The following CEP63 variants were observed in gnomAD, a reference collection of about 807,000 sequenced individuals.
CEP63 encodes centrosomal protein of 63 kDa.
Under a neutral mutation model 89.1 loss-of-function variants are expected in CEP63, and 84 were observed. The ratio of observed to expected loss-of-function variants is 0.94; its 90% CI spans 0.79 to 1.13. CEP63 has a LOEUF of 1.13. Among genes scored for constraint, CEP63 ranks in the 50% most tolerant of loss-of-function variants. The probability of loss-of-function intolerance (pLI) is 0.00; values close to 1 mark genes in which losing one functional copy is unlikely to be tolerated. For synonymous variants in CEP63, 267 were observed against 272.5 expected, an observed-to-expected ratio of 0.98 and a Z score of 0.20; for missense variants, 838 against 813.3, an observed-to-expected ratio of 1.03 and a Z score of -0.37.
the CEP63 span, among the ~76,000 whole-genome samples, chr3:134,694,975 A>G: frequency 6.6e-6 from 1 of 152,186 alleles, no homozygotes; most frequent in African/African-American, 2.4e-5. Flanking sequence ...AGATGGCTGG[A>G]CAAGACCAGG....
At chr3:134,619,277 G>A in the CEP63 span, 1 of 1,599,766 alleles carries the variant, frequency 6.3e-7, no homozygotes, top group Non-Finnish European at 8.6e-7. Flanking sequence ...TATAGGGCAG[G>A]TGAGGGGATC....
chr3:134,740,592 C>G, the CEP63 span, among the ~76,000 whole-genome samples: 2 of 152,140 alleles, frequency 1.3e-5, no homozygotes, highest in African/African-American at 4.8e-5. Context: ...CCACCGTGCC[C>G]CGCCTCTTTC....
chr3:134,505,097 T>C (rs1368877333), intron 2 of CEP63, among the ~76,000 whole-genome samples: 1 of 152,224 alleles, frequency 6.6e-6, no homozygotes, highest in Non-Finnish European at 1.5e-5. Context: ...AATTCTTTTA[T>C]AGGCATTTCA....
At chr3:134,545,132 T>C (rs1952978137) in intron 6 of CEP63, among the ~76,000 whole-genome samples, 1 of 152,100 alleles carries the variant, frequency 6.6e-6, no homozygotes, top group South Asian at 2.1e-4. Context: ...CCCGAGTAGC[T>C]GGGATTACAG....
At chr3:134,766,601 C>T in the CEP63 span, among the ~76,000 whole-genome samples, 18 of 152,310 alleles carry the variant, frequency 1.2e-4, no homozygotes, top group South Asian at 2.1e-4. Flanking sequence ...GGAGGGCTGA[C>T]AGAAAGAATT....
the CEP63 span, chr3:134,607,177 G>A: frequency 1.0e-6 from 1 of 985,450 alleles, no homozygotes; most frequent in Non-Finnish European, 1.2e-6. Flanking sequence ...AACAAGCCCT[G>A]CATCTGTTGT....
chr3:134,539,793 T>A (rs2109335552), intron 6 of CEP63, among the ~76,000 whole-genome samples: 1 of 152,356 alleles, frequency 6.6e-6, no homozygotes, highest in East Asian at 1.9e-4. Flanking sequence ...TTGCTTGAAT[T>A]CATTTCTTTT....
chr3:134,489,122 C>T (rs564693085), intron 1 of CEP63, among the ~76,000 whole-genome samples: 18 of 148,342 alleles, frequency 1.2e-4, no homozygotes, highest in African/African-American at 4.3e-4. Flanking sequence ...GATCACGCCA[C>T]TGCACTCCAG....
the CEP63 span, among the ~76,000 whole-genome samples, chr3:134,707,739 CTTT>C: frequency 7.5e-5 from 9 of 120,450 alleles, no homozygotes; most frequent in South Asian, 7.9e-4. Context: ...TGATTCTTTT[CTTT>C]TTTTTTTTTT....
intron 3 of CEP63, among the ~76,000 whole-genome samples, chr3:134,511,817 A>T (rs574103217): frequency 6.6e-6 from 1 of 152,126 alleles, no homozygotes; most frequent in South Asian, 2.1e-4. Context: ...TGAGCCAGTC[A>T]CCTCCCACCA....
chr3:134,605,315 G>A, the CEP63 span, among the ~76,000 whole-genome samples: 1 of 152,130 alleles, frequency 6.6e-6, no homozygotes, highest in Non-Finnish European at 1.5e-5. Flanking sequence ...TCAGAAGCTG[G>A]TCATCTGCTC....
the CEP63 span, among the ~76,000 whole-genome samples, chr3:134,737,177 T>C: frequency 6.6e-6 from 1 of 152,124 alleles, no homozygotes; most frequent in African/African-American, 2.4e-5. Flanking sequence ...AAAACAAAAA[T>C]TAAAAAACAC....
intron 4 of CEP63, 26 bp downstream of exon 4, chr3:134,531,966 T>C: frequency 1.3e-6 from 2 of 1,510,164 alleles, no homozygotes; most frequent in South Asian, 1.1e-5. Flanking sequence ...TGTTAAATGT[T>C]GTGTGTGTAG....
chr3:134,700,455 T>C, the CEP63 span, among the ~76,000 whole-genome samples: 1 of 152,240 alleles, frequency 6.6e-6, no homozygotes, highest in Non-Finnish European at 1.5e-5. Context: ...AGCAGGTTCC[T>C]ATCCCACCCC....
intron 3 of CEP63, chr3:134,511,367 CT>C: frequency 6.4e-6 from 1 of 155,652 alleles, no homozygotes; most frequent in Non-Finnish European, 1.4e-5. Flanking sequence ...CACTCTTTGC[CT>C]TTTTGACTTC....
chr3:134,666,104 C>T, the CEP63 span, among the ~76,000 whole-genome samples: 6 of 152,042 alleles, frequency 3.9e-5, no homozygotes, highest in South Asian at 2.1e-4. Flanking sequence ...GGTGCTTGTG[C>T]GCTGGCTGGC....
At chr3:134,567,467 C>CAA (rs61700362), downstream of CEP63, among the ~76,000 whole-genome samples, 7,700 of 133,692 alleles carry the variant, frequency 0.058, 374 homozygotes, top group Middle Eastern at 0.11. Flanking sequence ...TCACTGTTAC[C>CAA]AAAAAAAAAA....
At chr3:134,599,338 A>T in the CEP63 span, among the ~76,000 whole-genome samples, 7 of 152,296 alleles carry the variant, frequency 4.6e-5, no homozygotes, top group South Asian at 1.5e-3. Flanking sequence ...TTGTGGATCT[A>T]GCAGCGAGAG....
chr3:134,756,727 A>G, the CEP63 span, among the ~76,000 whole-genome samples: 1 of 152,064 alleles, frequency 6.6e-6, no homozygotes, highest in African/African-American at 2.4e-5. Context: ...GCTGCTATCT[A>G]ATACATTTGA....
Sources: allele counts gnomAD v4.1 joint callset (sites outside exome capture counted in the v4.1 genomes callset), GRCh38; gene constraint gnomAD v4.1.1; transcripts MANE v1.5; gene names NCBI Gene and HGNC (gene_info 2026-07-23, HGNC 2026-07-21).